Variants in PHLDB3 observed in about 807,000 individuals in gnomAD.
The protein encoded by PHLDB3 is pleckstrin homology like domain family B member 3.
PHLDB3 carries 86 observed loss-of-function variants against 85.7 expected under a neutral mutation model. The observed-to-expected ratio is 1.00, with a 90% CI of 0.84 to 1.20. The LOEUF (loss-of-function observed/expected upper bound fraction) is 1.20, where lower values mean the gene tolerates loss of function less well. PHLDB3 is among the 50% of genes most tolerant of loss of function. The pLI, the probability that PHLDB3 is intolerant of heterozygous loss-of-function variation, is 0.00. For missense variants in PHLDB3, 995 were observed against 873.0 expected, an observed-to-expected ratio of 1.14 and a Z score of -1.76; for synonymous variants, 376 against 349.8, an observed-to-expected ratio of 1.07 and a Z score of -0.83.
rs1167897767 is a variant in PHLDB3 at position 43,487,591 on chromosome 19, A to AAAAAAAAAAAAAAAAAAAAAAAAAC, written c.1150-469_1150-468insGTTTTTTTTTTTTTTTTTTTTTTTT. On this transcript the variant is annotated intron_variant, in intron 9 of 15. Coordinates refer to ENST00000292140, the MANE Select transcript of PHLDB3 (RefSeq NM_198850.4). ...CTCTGTCTCAAAAAAAAAAAAAAAAAACACAGAAAAGAAAAAAAGAAATGT... is the reference window on the plus strand; with the variant it reads ...CTCTGTCTCAAAAAAAAAAAAAAAAAAAAAAAAAAAAAAAAAAAAAAAAACACACAGAAAAGAAAAAAAGAAATGT... Among the ~76,000 whole-genome samples, 281 of 115,668 alleles carry AAAAAAAAAAAAAAAAAAAAAAAAAC rather than the reference A, an allele frequency of 2.4e-3. 25 individuals are homozygous for AAAAAAAAAAAAAAAAAAAAAAAAAC. Among genetic ancestry groups the AAAAAAAAAAAAAAAAAAAAAAAAAC allele is most frequent in the Non-Finnish European group, 3.4e-3 (175 of 51,372 alleles). The allele number at this position is 115,668 out of a possible 152,430, so 75.9% of individuals were successfully genotyped here.
Position 43,487,121 on chromosome 19 carries a change from GC to G in PHLDB3, c.1151del (p.Gly384AlafsTer57). 6.4e-7 allele frequency: 1 copy of G among 1,558,112 alleles called. No individual in the cohort carries two copies. The highest frequency in any genetic ancestry group is 1.2e-5 in the South Asian group (1 of 84,514). The part of the protein sequence containing the change: ...CLFSVHSSLQ[G>X]SIGLQRTGSL... ...TCCCAGTCCTCTGGAGGCCAATGGA[GC>G]CCTGAAAACACAAAAGGCTCATGAG... On this transcript the variant is annotated frameshift_variant and splice_region_variant, in exon 10 of 16. Transcript: ENST00000292140. LOFTEE classifies it high-confidence loss of function.
chr19:43,486,994 G>A (rs1208049353), intron 10 of PHLDB3, 30 bp downstream of exon 10: 2 of 1,511,538 alleles, frequency 1.3e-6, no homozygotes, highest in Non-Finnish European at 1.8e-6. Flanking sequence ...GCTGATGTGG[G>A]AAGGAAGTGG....
At chr19:43,501,672 CACACCA>C in intron 4 of PHLDB3, 56 bp downstream of exon 4, 11 of 1,551,560 alleles carry the variant, frequency 7.1e-6, no homozygotes, top group Non-Finnish European at 8.7e-6. Flanking sequence ...TGGCTAGGAG[CACACCA>C]ACATCCATGG....
chr19:43,475,716 A>C (rs985007942), intron 15 of PHLDB3, among the ~76,000 whole-genome samples, 172 bp from the exon 16 acceptor site: 1 of 152,224 alleles, frequency 6.6e-6, no homozygotes, highest in African/African-American at 2.4e-5. Flanking sequence ...CTGGGTTATA[A>C]GGATTAAATG....
chr19:43,499,790 G>A (rs893225290), intron 4 of PHLDB3, among the ~76,000 whole-genome samples: 1 of 152,074 alleles, frequency 6.6e-6, no homozygotes. Context: ...CTGGAGTGCA[G>A]TGGTGTGATC....
At chr19:43,495,878 G>A (rs1971445744) in intron 6 of PHLDB3, 1 of 439,928 alleles carries the variant, frequency 2.3e-6, no homozygotes, top group Non-Finnish European at 4.0e-6. Flanking sequence ...AAAAGACAGA[G>A]ATGTAGACAA....
intron 9 of PHLDB3, among the ~76,000 whole-genome samples, chr19:43,492,598 C>G (rs1389583893): frequency 6.9e-6 from 1 of 144,554 alleles, no homozygotes; most frequent in Non-Finnish European, 1.5e-5. Flanking sequence ...GCACTCTGGC[C>G]TGGGTGACAG....
chr19:43,493,270 CTCTG>C (rs1354530053), intron 9 of PHLDB3, among the ~76,000 whole-genome samples: 1 of 128,170 alleles, frequency 7.8e-6, no homozygotes, highest in Non-Finnish European at 1.6e-5. Context: ...AAGAGTGAAA[CTCTG>C]TCTCAGAATA....
intron 9 of PHLDB3, among the ~76,000 whole-genome samples, chr19:43,488,779 C>A (rs559165893): frequency 1.3e-5 from 2 of 151,954 alleles, no homozygotes; most frequent in South Asian, 4.2e-4. Flanking sequence ...GTAAATGAAC[C>A]ATGGCTTATG....
At position 43,475,455 on chromosome 19, in the gene PHLDB3, C is replaced by T. The variant is rs1970906223; in HGVS notation, c.1878G>A (p.Trp626Ter). The T allele has an allele frequency of 6.2e-7, 1 of 1,614,002 alleles. No individual in the cohort carries two copies. Among genetic ancestry groups the T allele is most frequent in the East Asian group, 2.2e-5 (1 of 44,856 alleles). ...VAPSPEAMRI[W>*]MDVIVTAADE... ...CAGCGGCGGTCACGATGACGTCCAT[C>T]CAAATGCGCATGGCTTCGGGGCTCG... Residue 626 changes from tryptophan to a stop codon, truncating the protein, a stop_gained, in exon 16 of 16, where the codon TGG becomes TGA. Coordinates refer to ENST00000292140, the MANE Select transcript of PHLDB3 (RefSeq NM_198850.4). LOFTEE classifies it high-confidence loss of function.
chr19:43,494,662 A>G lies in PHLDB3; in HGVS notation c.1149+40T>C, dbSNP rs370807652. The G allele has an allele frequency of 3.7e-5, 56 of 1,494,996 alleles. No homozygotes were observed. The Middle Eastern group carries it at 1.9e-3, about 51-fold the overall frequency. 92.6% of individuals were successfully genotyped at this position (1,494,996 alleles called of 1,614,324 possible). A position where few individuals can be genotyped will look rare whatever the true frequency, so the allele number is the denominator to read the frequency against. ...GTTAGCCCCTCCCTCCTCACTGACC[A>G]ATAAGATATATGGGGAAACAGAGGC... On this transcript the variant is annotated intron_variant, in intron 9 of 15. Coordinates refer to ENST00000292140, the MANE Select transcript of PHLDB3 (RefSeq NM_198850.4).
chr19:43,495,732 T>C, intron 6 of PHLDB3, 112 bp from the exon 7 acceptor site: 8 of 1,440,208 alleles, frequency 5.6e-6, no homozygotes, highest in South Asian at 1.4e-5. Flanking sequence ...CCAGAGACCA[T>C]GGGATCGGAG....
At chr19:43,481,643 C>CA (rs1290374182) in intron 13 of PHLDB3, among the ~76,000 whole-genome samples, 1 of 150,920 alleles carries the variant, frequency 6.6e-6, no homozygotes, top group Non-Finnish European at 1.5e-5. Context: ...AAAATACAAA[C>CA]ATTAGCCAGG....
intron 4 of PHLDB3, among the ~76,000 whole-genome samples, chr19:43,498,514 AAAG>A (rs765639914): frequency 6.6e-6 from 1 of 152,124 alleles, no homozygotes; most frequent in Non-Finnish European, 1.5e-5. Flanking sequence ...GGAAGGAAGG[AAAG>A]AAGAAAGAAA....
At position 43,475,339 on chromosome 19, in the gene PHLDB3, G is replaced by GCCTAGGAACTCCCCCGCGC; in HGVS notation, c.*70_*71insGCGCGGGGGAGTTCCTAGG. On this transcript the variant is annotated 3_prime_UTR_variant, in exon 16 of 16. Transcript: ENST00000292140. ...TCCAAGTTTTCCGGCAGTGGGCGGG[G>GCCTAGGAACTCCCCCGCGC]CCTAGGAACGCCCCCGCGCCCCGCG... is the stretch of plus-strand genomic sequence containing the variant. The GCCTAGGAACTCCCCCGCGC allele has an allele frequency of 6.4e-7, 1 of 1,573,448 alleles. No individual in the cohort carries two copies. The highest frequency in any genetic ancestry group is 8.6e-7 in the Non-Finnish European group (1 of 1,156,664).
chr19:43,486,771 A>T lies in PHLDB3; in HGVS notation c.1340+9T>A. On this transcript the variant is annotated intron_variant, in intron 11 of 15. Transcript: ENST00000292140. ...CTTCCATCTCCCCACCTTCTCTCTG[A>T]TGTCTCACCTATTCCCACGGCCACA... 1 of 1,607,800 alleles carries T rather than the reference A, an allele frequency of 6.2e-7. No homozygotes were observed. Among genetic ancestry groups the T allele is most frequent in the Non-Finnish European group, 8.5e-7 (1 of 1,176,308 alleles).
Position 43,475,421 on chromosome 19 carries a change from G to A in PHLDB3, c.1912C>T (p.His638Tyr), listed in dbSNP as rs922147803. 2 of 1,613,906 alleles carry A rather than the reference G, an allele frequency of 1.2e-6. No homozygotes were observed. Among genetic ancestry groups the A allele is most frequent in the South Asian group, 1.1e-5 (1 of 91,076 alleles). Residue 638 changes from histidine to tyrosine, a missense_variant, in exon 16 of 16, where the codon CAC becomes TAC. By Grantham distance (83) the His-to-Tyr change is moderately conservative (BLOSUM62 2). Transcript: ENST00000292140. ...DVIVTAADEN[H>Y]AP ...GAGGGCGGGGCCACTCAGGGGGCGT[G>A]GTTTTCGTCAGCGGCGGTCACGATG...
chr19:43,497,900 C>T (rs1167464434), intron 4 of PHLDB3, 24 bp from the exon 5 acceptor site: 1 of 1,584,938 alleles, frequency 6.3e-7, no homozygotes, highest in Non-Finnish European at 8.6e-7. Flanking sequence ...AAGGTTCTCA[C>T]CCTCAGCTTA....
intron 2 of PHLDB3, 36 bp from the exon 3 acceptor site, chr19:43,502,319 C>G (rs768676791): frequency 1.2e-5 from 18 of 1,523,324 alleles, no homozygotes; most frequent in East Asian, 2.5e-5. Context: ...GTGGAGATGC[C>G]TCGCCCCCTG....
Sources: allele counts gnomAD v4.1 joint callset (sites outside exome capture counted in the v4.1 genomes callset), GRCh38; gene constraint gnomAD v4.1.1; transcripts MANE v1.5; gene names NCBI Gene and HGNC (gene_info 2026-07-23, HGNC 2026-07-21).